Variants in PASK observed in about 807,000 individuals in gnomAD.
The protein encoded by PASK is PAS domain containing serine/threonine kinase.
Under a neutral mutation model 121.0 loss-of-function variants are expected in PASK, and 110 were observed. That is an observed-to-expected ratio of 0.91 (90% confidence interval 0.78 to 1.06). PASK has a LOEUF of 1.06. PASK is among the 50% of genes least tolerant of loss of function. The probability of loss-of-function intolerance (pLI) is 0.00; values close to 1 mark genes in which losing one functional copy is unlikely to be tolerated. For missense variants in PASK, 1,643 were observed against 1,702.3 expected (o/e 0.97, Z 0.61); for synonymous variants, 686 against 717.8 (o/e 0.96, Z 0.71).
At chr2:241,134,795 A>AC (rs3214253) in intron 8 of PASK, 38,956 of 146,462 alleles carry the variant, frequency 0.27, 6,380 homozygotes, top group Middle Eastern at 0.43. Flanking sequence ...TAGAACAGAG[A>AC]CCCCCCCACC....
intron 6 of PASK, 122 bp from the exon 7 acceptor site, chr2:241,137,386 C>T (rs1270480453): frequency 1.3e-5 from 10 of 796,092 alleles, no homozygotes; most frequent in Admixed American, 3.5e-5. Context: ...GGACATCTCA[C>T]ACCCACACTG....
Position 241,126,486 on chromosome 2 carries a change from C to G in PASK, c.2429G>C (p.Gly810Ala), listed in dbSNP as rs745313386. ...LTGTCVDLGQ[G>A]RRFRESCVGH... Reference sequence around the variant, plus strand: ...CACACAGCTCTCCCGGAACCGTCGGCCTTGGCCAAGGTCAACACAGGTGCC... The same window carrying G: ...CACACAGCTCTCCCGGAACCGTCGGGCTTGGCCAAGGTCAACACAGGTGCC... Residue 810 changes from glycine to alanine, a missense_variant, in exon 10 of 18, where the codon GGC becomes GCC. Physicochemically the swap from Gly to Ala is moderately conservative, Grantham distance 60. Transcript: ENST00000234040. 1.2e-6 allele frequency: 2 copies of G among 1,614,262 alleles called. No individual in the cohort carries two copies. Among genetic ancestry groups the G allele is most frequent in the South Asian group, 2.2e-5 (2 of 91,092 alleles).
chr2:241,119,467 TC>T (rs1474794809), intron 12 of PASK, among the ~76,000 whole-genome samples: 8 of 131,482 alleles, frequency 6.1e-5, no homozygotes, highest in African/African-American at 2.5e-4. Flanking sequence ...GCAAGATGCT[TC>T]TTTTTTTTTT....
At chr2:241,145,711 C>CT (rs1030199265) in intron 1 of PASK, 1 of 134,724 alleles carries the variant, frequency 7.4e-6, no homozygotes, top group Non-Finnish European at 1.7e-5. Context: ...CCCATCTCTA[C>CT]TAAAAAAAAA....
chr2:241,136,986 C>A lies in PASK; in HGVS notation c.1137+18G>T, dbSNP rs201473423. On this transcript the variant is annotated intron_variant, in intron 7 of 17. Transcript: ENST00000234040. ...TTCCTCCCAGGGAACGGGAGCCAGG[C>A]GCCCAGGGCAGCCCCACCTTGCCCA... 1.2e-6 allele frequency: 2 copies of A among 1,610,504 alleles called. No individual in the cohort carries two copies. The highest frequency in any genetic ancestry group is 1.7e-6 in the Non-Finnish European group (2 of 1,178,832).
chr2:241,122,608 G>T, intron 12 of PASK, 124 bp downstream of exon 12: 3 of 895,322 alleles, frequency 3.4e-6, no homozygotes, highest in Admixed American at 1.7e-5. Flanking sequence ...CACATGCCAG[G>T]TTGTGTGCTT....
At position 241,106,677 on chromosome 2, in the gene PASK, GCTCCTGTT is replaced by G. The variant is rs1575211456; in HGVS notation, c.3853_3860del (p.Asn1285ProfsTer3). On this transcript the variant is annotated frameshift_variant, in exon 18 of 18. Transcript: ENST00000234040. LOFTEE classifies it low-confidence loss of function (END_TRUNC). ...CCTGAGCCTGGGCCACATCACTCAG[GCTCCTGTT>G]CCCCATCTCCAGGCTCGCAGCGGAC... The G allele has an allele frequency of 1.2e-6, 2 of 1,614,122 alleles. No individual in the cohort carries two copies. The highest frequency in any genetic ancestry group is 2.7e-5 in the African/African-American group (2 of 75,048).
chr2:241,109,190 G>A (rs1050693547), intron 15 of PASK: 1 of 152,782 alleles, frequency 6.5e-6, no homozygotes, highest in Admixed American at 6.5e-5. Context: ...TGGGTACCTA[G>A]AGATGCCAAT....
intron 2 of PASK, among the ~76,000 whole-genome samples, chr2:241,142,620 A>C (rs1202354601): frequency 6.6e-6 from 1 of 152,262 alleles, no homozygotes; most frequent in Non-Finnish European, 1.5e-5. Context: ...GCCTGAAAAG[A>C]AGCGCCAGCT....
chr2:241,114,828 G>C (rs1394124254), intron 14 of PASK: 3 of 1,465,898 alleles, frequency 2.0e-6, no homozygotes, highest in East Asian at 4.9e-5. Context: ...TTCCAGGACT[G>C]TATCTGGCCT....
At chr2:241,137,307 T>G (rs573347271) in intron 6 of PASK, 43 bp from the exon 7 acceptor site, 2 of 1,576,600 alleles carry the variant, frequency 1.3e-6, no homozygotes, top group Admixed American at 3.3e-5. Flanking sequence ...GTGTTTCACG[T>G]GGACAGAGCA....
chr2:241,119,765 C>A (rs113467134), intron 12 of PASK, among the ~76,000 whole-genome samples: 1 of 152,118 alleles, frequency 6.6e-6, no homozygotes, highest in East Asian at 1.9e-4. Flanking sequence ...CCACCGCGCC[C>A]GGCCTGCAAG....
upstream of PASK, chr2:241,149,766 G>GCGGCT: frequency 1.3e-6 from 2 of 1,538,720 alleles, no homozygotes; most frequent in South Asian, 2.4e-5. Flanking sequence ...AGGACGCGGG[G>GCGGCT]CGGCTCGTTC....
intron 1 of PASK, among the ~76,000 whole-genome samples, chr2:241,145,283 T>C (rs1402326175): frequency 1.3e-5 from 2 of 152,124 alleles, no homozygotes; most frequent in Non-Finnish European, 2.9e-5. Flanking sequence ...GGTCTCACTA[T>C]GGTGCCCAGG....
rs2064991221 is a variant in PASK at position 241,108,802 on chromosome 2, AC to A, written c.3534-503del. ...GCGACGATGTGAAGGGTGCTGCAGG[AC>A]GAGACTGAACAGGGAAAAACACCGA... On this transcript the variant is annotated intron_variant, in intron 15 of 17. Coordinates refer to ENST00000234040, the MANE Select transcript of PASK (RefSeq NM_015148.4). The surrounding 1 kb of genome is among the most constrained non-coding windows in gnomAD (Gnocchi z 5.2). The A allele has an allele frequency of 4.1e-6, 1 of 245,020 alleles. No homozygotes were observed. Among genetic ancestry groups the A allele is most frequent in the Admixed American group, 5.1e-5 (1 of 19,562 alleles). The allele number at this position is 245,020 out of a possible 1,614,324, so 15.2% of individuals were successfully genotyped here.
chr2:241,133,206 C>T (rs2066248987), intron 8 of PASK, 176 bp from the exon 9 acceptor site: 2 of 684,474 alleles, frequency 2.9e-6, no homozygotes, highest in Middle Eastern at 3.7e-4. Flanking sequence ...CTCCTGTCTC[C>T]CTGCTCCTTG....
rs779114187 is a variant in PASK, at chr2:241,138,648, A to C, written c.741+6T>G. 1.9e-6 allele frequency: 3 copies of C among 1,613,902 alleles called. No homozygotes were observed. Among genetic ancestry groups the C allele is most frequent in the South Asian group, 2.2e-5 (2 of 91,082 alleles). ...CATGAGACATGAGGCAAAGTTGCAC[A>C]CTCACATCGCTCTGGAAAGCGACCC... On this transcript the variant is annotated splice_donor_region_variant and intron_variant, in intron 5 of 17. Transcript: ENST00000234040.
intron 10 of PASK, among the ~76,000 whole-genome samples, chr2:241,124,568 C>T (rs1267229736): frequency 6.6e-6 from 1 of 152,216 alleles, no homozygotes; most frequent in African/African-American, 2.4e-5. Context: ...AAAGCATGTA[C>T]ACATGTACCT....
intron 14 of PASK, chr2:241,113,675 T>G: frequency 2.1e-6 from 2 of 963,306 alleles, no homozygotes; most frequent in Non-Finnish European, 2.5e-6. Flanking sequence ...TAACTAGTAC[T>G]GAGAGATTAA....
Sources: gnomAD v4.1 joint callset for allele counts (sites outside exome capture counted in the v4.1 genomes callset) on GRCh38, gnomAD v4.1.1 for gene constraint, Gnocchi (gnomAD v3.1) non-coding constraint, MANE v1.5 for transcripts, NCBI Gene and HGNC (gene_info 2026-07-23, HGNC 2026-07-21) for gene names.